The following FNIP2 variants were observed in gnomAD, a reference collection of about 807,000 sequenced individuals.
FNIP2 encodes the protein folliculin-interacting protein 2.
Under a neutral mutation model 108.7 loss-of-function variants are expected in FNIP2, and 32 were observed. The ratio of observed to expected loss-of-function variants is 0.29; its 90% CI spans 0.22 to 0.40. The LOEUF is 0.40. Among genes scored for constraint, FNIP2 ranks in the 10% least tolerant of loss-of-function variants. The probability of loss-of-function intolerance (pLI) is 1.00; values close to 1 mark genes in which losing one functional copy is unlikely to be tolerated. For missense variants in FNIP2, 1,202 were observed against 1,381.6 expected (o/e 0.87, Z 2.06); for synonymous variants, 480 against 496.7 (o/e 0.97, Z 0.45).
intron 7 of FNIP2, among the ~76,000 whole-genome samples, chr4:158,838,512 C>T (rs1217518496): frequency 3.3e-5 from 5 of 152,110 alleles, no homozygotes; most frequent in South Asian, 2.1e-4. Context: ...TGAGCCACCA[C>T]GCCTAGCCTA....
intron 14 of FNIP2, among the ~76,000 whole-genome samples, chr4:158,882,349 T>G (rs1383071672): frequency 1.3e-5 from 2 of 148,452 alleles, no homozygotes; most frequent in Non-Finnish European, 1.5e-5. Flanking sequence ...GCAGCCCCCG[T>G]CCGGCCAGCC....
intron 1 of FNIP2, among the ~76,000 whole-genome samples, chr4:158,809,349 C>T (rs946374451): frequency 6.6e-6 from 1 of 152,188 alleles, no homozygotes; most frequent in Non-Finnish European, 1.5e-5. Context: ...ATCCCAGCTA[C>T]TTGGGATGCT....
intron 7 of FNIP2, among the ~76,000 whole-genome samples, chr4:158,850,765 T>C (rs556111513): frequency 1.3e-5 from 2 of 150,976 alleles, no homozygotes; most frequent in Admixed American, 1.3e-4. Context: ...GGAGGAAATA[T>C]GTGTAAAGTA....
At chr4:158,816,623 A>G (rs900336700) in intron 1 of FNIP2, among the ~76,000 whole-genome samples, 1 of 151,970 alleles carries the variant, frequency 6.6e-6, no homozygotes, top group Non-Finnish European at 1.5e-5. Context: ...TCTCTACTAA[A>G]AATACAAAAA....
At chr4:158,811,474 T>C (rs1053360681) in intron 1 of FNIP2, among the ~76,000 whole-genome samples, 7 of 152,206 alleles carry the variant, frequency 4.6e-5, no homozygotes, top group Admixed American at 1.3e-4. Flanking sequence ...TTTTATGATC[T>C]GAGGGTCTTC....
rs749998091 is a variant in FNIP2, at chr4:158,829,182, G to T, written c.338G>T (p.Gly113Val). 1.2e-6 allele frequency: 2 copies of T among 1,612,624 alleles called. No homozygotes were observed. Among genetic ancestry groups the T allele is most frequent in the African/African-American group, 1.3e-5 (1 of 74,952 alleles). The change falls in exon 3 of 17, where the codon GGG (glycine) becomes GTG (valine). Residue 113 changes from glycine (G) to valine (V), a missense_variant. Around this residue, in one of 5 missense-constraint regions of FNIP2, gnomAD observed 173 missense variants for 165.9 expected, o/e 1.04. Coordinates refer to ENST00000264433, the MANE Select transcript of FNIP2 (RefSeq NM_020840.3). ...SSSISSHSSS[G>V]GSSHHAKEQL... ...AGCATCTCTTCCCACAGTTCTTCTG[G>T]GGGATCTTCACATCATGCTAAGGAA...
chr4:158,899,684 A>C (rs1342139126), intron 16 of FNIP2, among the ~76,000 whole-genome samples: 8 of 152,136 alleles, frequency 5.3e-5, no homozygotes. Flanking sequence ...TTTCTGTGGG[A>C]TCAGTGGTGA....
At chr4:158,775,409 A>G (rs763451694) in intron 1 of FNIP2, among the ~76,000 whole-genome samples, 6 of 152,182 alleles carry the variant, frequency 3.9e-5, no homozygotes, top group Non-Finnish European at 7.3e-5. Context: ...ATTTATGAAA[A>G]ATGATTATTA....
At chr4:158,875,539 T>TATATATATATATATATATATATGC (rs1474470268) in intron 14 of FNIP2, among the ~76,000 whole-genome samples, 1 of 144,176 alleles carries the variant, frequency 6.9e-6, no homozygotes, top group African/African-American at 2.7e-5. Flanking sequence ...TATATATATA[T>TATATATATATATATATATATATGC]ATGCTCATGA....
At chr4:158,859,695 C>G in intron 10 of FNIP2, 29 bp downstream of exon 10, 1 of 1,566,600 alleles carries the variant, frequency 6.4e-7, no homozygotes, top group Non-Finnish European at 8.8e-7. Context: ...GCAAATCCAA[C>G]AGGAGATGTT....
intron 8 of FNIP2, among the ~76,000 whole-genome samples, chr4:158,857,796 A>C (rs553558877): frequency 6.7e-6 from 1 of 149,952 alleles, no homozygotes; most frequent in Admixed American, 6.6e-5. Context: ...AAAAAAAAAA[A>C]ATGTATCCGG....
intron 14 of FNIP2, among the ~76,000 whole-genome samples, chr4:158,887,295 A>T (rs1782067262): frequency 6.6e-6 from 1 of 152,230 alleles, no homozygotes; most frequent in Non-Finnish European, 1.5e-5. Flanking sequence ...TGTGAACTTG[A>T]TAAAATTGTG....
In FNIP2 at chr4:158,881,550, GCCTGATTCTCC is replaced by G. The variant is rs1183658934; in HGVS notation, c.2950-9895_2950-9885del. ...CATCTCCGCTCACTGCAAGCTCCCTGCCTGATTCTCCTGCCTCAGCCTGCCAAGTGCCTGTG... is the reference window on the plus strand; with the variant it reads ...CATCTCCGCTCACTGCAAGCTCCCTGTGCCTCAGCCTGCCAAGTGCCTGTG... On this transcript the variant is annotated intron_variant, in intron 14 of 16. Transcript: ENST00000264433. 0.01 allele frequency among the ~76,000 whole-genome samples: 159 copies of G among 15,188 alleles called. 6 individuals carry two copies. In the East Asian group the frequency reaches 0.48, roughly 45 times the overall value. 10.0% of individuals were successfully genotyped at this position (15,188 alleles called of 152,430 possible).
chr4:158,879,919 C>A (rs1364079950), intron 14 of FNIP2, among the ~76,000 whole-genome samples: 56 of 146,860 alleles, frequency 3.8e-4, no homozygotes, highest in African/African-American at 8.0e-4. Context: ...GTTAGAATGG[C>A]AATAATTAAA....
At chr4:158,836,880 A>G (rs1000190780) in intron 7 of FNIP2, among the ~76,000 whole-genome samples, 7 of 151,646 alleles carry the variant, frequency 4.6e-5, no homozygotes, top group Non-Finnish European at 2.9e-5. Context: ...ACTTACAGCC[A>G]TAACATAAAG....
At chr4:158,895,720 C>A (rs1782609808) in intron 15 of FNIP2, 30 bp from the exon 16 acceptor site, 2 of 1,371,754 alleles carry the variant, frequency 1.5e-6, no homozygotes, top group Admixed American at 1.8e-5. Context: ...TGACTTCTAG[C>A]CCTCATTGTG....
intron 8 of FNIP2, among the ~76,000 whole-genome samples, chr4:158,853,714 A>T (rs1779827856): frequency 1.3e-5 from 2 of 152,370 alleles, no homozygotes; most frequent in South Asian, 4.1e-4. Flanking sequence ...ATTTTAGTAC[A>T]TCTGGATCAG....
At chr4:158,843,928 C>G (rs1030149473) in intron 7 of FNIP2, among the ~76,000 whole-genome samples, 18 of 152,192 alleles carry the variant, frequency 1.2e-4, no homozygotes, top group African/African-American at 4.1e-4. Flanking sequence ...TAGGGTCCTG[C>G]CCTGATCATT....
chr4:158,829,035 A>T (rs560822984), intron 2 of FNIP2, 44 bp from the exon 3 acceptor site: 195 of 1,495,956 alleles, frequency 1.3e-4, no homozygotes, highest in Admixed American at 4.2e-4. Context: ...GACGAACCTG[A>T]TATACTTAGT....
Sources: gnomAD v4.1 joint callset for allele counts (sites outside exome capture counted in the v4.1 genomes callset) on GRCh38, gnomAD v4.1.1 for gene constraint, gnomAD v4.1.1 regional missense constraint, MANE v1.5 for transcripts, NCBI Gene and HGNC (gene_info 2026-07-23, HGNC 2026-07-21) for gene names.